VRK2: variants seen among roughly 807,000 people sequenced by gnomAD.
The protein encoded by VRK2 is VRK serine/threonine kinase 2, also known as serine/threonine-protein kinase VRK2.
VRK2 carries 60 observed loss-of-function variants against 57.6 expected under a neutral mutation model. That is an observed-to-expected ratio of 1.04 (90% CI 0.85 to 1.29). VRK2 has a LOEUF of 1.29. VRK2 is among the 50% of genes most tolerant of loss of function. The probability of loss-of-function intolerance (pLI) is 0.00; values close to 1 mark genes in which losing one functional copy is unlikely to be tolerated. For synonymous variants in VRK2, 231 were observed against 199.2 expected (o/e 1.16, Z -1.35); for missense variants, 705 against 588.1 (o/e 1.20, Z -2.06).
intron 1 of VRK2, among the ~76,000 whole-genome samples, chr2:57,911,599 G>C: frequency 6.6e-6 from 1 of 152,134 alleles, no homozygotes; most frequent in South Asian, 2.1e-4. Context: ...AAAGAGGTAA[G>C]TACTGGAAAG....
chr2:57,968,276 C>T (rs1388897639), intron 1 of VRK2, among the ~76,000 whole-genome samples: 1 of 151,834 alleles, frequency 6.6e-6, no homozygotes, highest in South Asian at 2.1e-4. Context: ...AAAGAATAAA[C>T]ATATGAACTA....
chr2:58,048,758 A>G (rs961250831), intron 1 of VRK2, 69 bp from the exon 2 acceptor site: 3 of 1,562,832 alleles, frequency 1.9e-6, no homozygotes, highest in Middle Eastern at 1.7e-4. Context: ...CATTTTGGGA[A>G]GTGTATTTTA....
intron 1 of VRK2, among the ~76,000 whole-genome samples, chr2:57,977,476 T>A (rs1202103775): frequency 2.0e-5 from 3 of 152,024 alleles, no homozygotes; most frequent in African/African-American, 7.2e-5. Flanking sequence ...TTTCTTTTTG[T>A]GGCTTTTGTG....
chr2:57,962,594 C>T (rs1671795642), intron 1 of VRK2, among the ~76,000 whole-genome samples: 1 of 151,986 alleles, frequency 6.6e-6, no homozygotes, highest in Non-Finnish European at 1.5e-5. Context: ...TCAAGTAGGC[C>T]CCTGTGTCTC....
At chr2:58,081,857 CGTGTGTGTGTGTGTGT>C (rs369430200) in intron 2 of VRK2, among the ~76,000 whole-genome samples, 15 of 142,118 alleles carry the variant, frequency 1.1e-4, no homozygotes, top group South Asian at 4.7e-4. Context: ...ATACCATGTC[CGTGTGTGTGTGTGTGT>C]GTGTGTGTGT....
At chr2:58,039,702 A>G (rs1311241768) in intron 3 of VRK2, among the ~76,000 whole-genome samples, 1 of 152,120 alleles carries the variant, frequency 6.6e-6, no homozygotes, top group East Asian at 1.9e-4. Context: ...AAAATATTAT[A>G]TACACACAAT....
chr2:57,972,889 T>C (rs1672138925), intron 1 of VRK2, among the ~76,000 whole-genome samples: 1 of 151,916 alleles, frequency 6.6e-6, no homozygotes, highest in Non-Finnish European at 1.5e-5. Context: ...CAGCTACATA[T>C]TTCCATTGTG....
chr2:58,009,522 A>G (rs941331273), intron 1 of VRK2, among the ~76,000 whole-genome samples: 4 of 149,220 alleles, frequency 2.7e-5, no homozygotes, highest in Non-Finnish European at 5.9e-5. Context: ...CAATTGACAG[A>G]TCTAGTATGT....
At chr2:58,095,021 C>T (rs561658761) in intron 7 of VRK2, among the ~76,000 whole-genome samples, 44 of 152,138 alleles carry the variant, frequency 2.9e-4, no homozygotes, top group Non-Finnish European at 5.4e-4. Context: ...TTGTGCTGGG[C>T]GCGGTGGCTC....
chr2:57,916,158 G>A (rs1320363933), intron 1 of VRK2, among the ~76,000 whole-genome samples: 1 of 152,048 alleles, frequency 6.6e-6, no homozygotes, highest in African/African-American at 2.4e-5. Context: ...TGTAATCCCA[G>A]CACTTTGGGA....
chr2:57,992,564 C>G (rs1572752165), intron 1 of VRK2, among the ~76,000 whole-genome samples: 1 of 152,022 alleles, frequency 6.6e-6, no homozygotes, highest in South Asian at 2.1e-4. Flanking sequence ...GAGTCTCGCT[C>G]TGTCGCCCAG....
intron 7 of VRK2, among the ~76,000 whole-genome samples, chr2:58,103,185 C>T (rs1231424985): frequency 2.0e-5 from 3 of 151,164 alleles, no homozygotes; most frequent in Non-Finnish European, 4.4e-5. Context: ...AAAACAAGAA[C>T]AAACCATACC....
At chr2:58,005,074 A>G (rs564759426) in intron 1 of VRK2, among the ~76,000 whole-genome samples, 4 of 152,306 alleles carry the variant, frequency 2.6e-5, no homozygotes, top group African/African-American at 9.6e-5. Flanking sequence ...ATGAAGAAAG[A>G]AGGCTTGCAA....
rs1675612320 is a variant in VRK2, at chr2:58,050,861, T to TC, written c.136+1894_136+1895insC. 2.6e-5 allele frequency among the ~76,000 whole-genome samples: 4 copies of TC among 152,088 alleles called. No homozygotes were observed. The East Asian group carries it at 7.7e-4, about 29-fold the overall frequency. The stretch of plus-strand genomic sequence containing the variant: ...TCACATATTTTTACTTTTTTTTTTT[T>TC]TGAGACAGAGTCTCGCTCTGTCACC... On this transcript the variant is annotated intron_variant, in intron 2 of 12. Transcript: ENST00000340157.
At chr2:57,928,096 A>G in intron 1 of VRK2, among the ~76,000 whole-genome samples, 1 of 152,076 alleles carries the variant, frequency 6.6e-6, no homozygotes, top group East Asian at 1.9e-4. Flanking sequence ...GTTCTCAGTT[A>G]TTATCCCTTT....
chr2:58,070,953 G>T (rs1482560922), intron 2 of VRK2, among the ~76,000 whole-genome samples: 2 of 152,078 alleles, frequency 1.3e-5, no homozygotes, highest in Non-Finnish European at 2.9e-5. Flanking sequence ...TTCCTGTTGT[G>T]CTGCATCCTT....
chr2:58,124,047 AAC>A (rs1677937179), intron 8 of VRK2, among the ~76,000 whole-genome samples: 1 of 152,166 alleles, frequency 6.6e-6, no homozygotes, highest in South Asian at 2.1e-4. Flanking sequence ...TGGTATTGGA[AAC>A]ACATTTGCAG....
chr2:57,970,160 A>C (rs1235669873), intron 1 of VRK2, among the ~76,000 whole-genome samples: 1 of 148,520 alleles, frequency 6.7e-6, no homozygotes, highest in East Asian at 1.9e-4. Flanking sequence ...TAAACATATA[A>C]TCATATATTT....
chr2:58,137,025 G>A (rs1680268701), intron 10 of VRK2, among the ~76,000 whole-genome samples: 1 of 126,906 alleles, frequency 7.9e-6, no homozygotes, highest in African/African-American at 3.1e-5. Flanking sequence ...TATCTCATAT[G>A]TGTATATATA....
Sources: allele counts gnomAD v4.1 joint callset (sites outside exome capture counted in the v4.1 genomes callset), GRCh38; gene constraint gnomAD v4.1.1; transcripts MANE v1.5; gene names NCBI Gene and HGNC (gene_info 2026-07-23, HGNC 2026-07-21).